The following TNFAIP8 variants were observed in gnomAD, a reference collection of about 807,000 sequenced individuals.
TNFAIP8 encodes the protein TNF alpha induced protein 8, also known as tumor necrosis factor alpha-induced protein 8.
TNFAIP8 carries 7 observed loss-of-function variants against 13.3 expected under a neutral mutation model. The observed-to-expected ratio is 0.52, with a 90% CI of 0.30 to 0.99. TNFAIP8 has a LOEUF of 0.99. Among genes scored for constraint, TNFAIP8 ranks in the 50% least tolerant of loss-of-function variants. The probability of loss-of-function intolerance (pLI) is 0.07; values close to 1 mark genes in which losing one functional copy is unlikely to be tolerated. For missense variants in TNFAIP8, 258 were observed against 236.9 expected (o/e 1.09, Z -0.58); for synonymous variants, 94 against 87.6 (o/e 1.07, Z -0.41).
At chr5:119,293,605 C>A (rs996376360) in intron 1 of TNFAIP8, among the ~76,000 whole-genome samples, 1 of 152,052 alleles carries the variant, frequency 6.6e-6, no homozygotes, top group African/African-American at 2.4e-5. Context: ...AGGAAATGTT[C>A]TAAAAATTGG....
At chr5:119,343,964 C>T (rs539792380) in intron 1 of TNFAIP8, among the ~76,000 whole-genome samples, 1 of 152,158 alleles carries the variant, frequency 6.6e-6, no homozygotes, top group African/African-American at 2.4e-5. Flanking sequence ...CTTTTCAAAC[C>T]ACTCATATCT....
intron 1 of TNFAIP8, among the ~76,000 whole-genome samples, chr5:119,299,609 T>C (rs1749295384): frequency 2.6e-5 from 4 of 152,284 alleles, no homozygotes; most frequent in Admixed American, 2.6e-4. Flanking sequence ...TCTCCAGCTG[T>C]GTGCTGGGAG....
chr5:119,290,956 T>C (rs1424242346), intron 1 of TNFAIP8, among the ~76,000 whole-genome samples: 3 of 152,066 alleles, frequency 2.0e-5, no homozygotes, highest in African/African-American at 7.3e-5. Flanking sequence ...GCTAAGGAGT[T>C]TGGACTTTCT....
chr5:119,330,688 T>A (rs1750349823), intron 1 of TNFAIP8, among the ~76,000 whole-genome samples: 1 of 152,162 alleles, frequency 6.6e-6, no homozygotes, highest in African/African-American at 2.4e-5. Context: ...TCTCTTGCTC[T>A]GAGATGCCGA....
At chr5:119,307,398 G>A (rs1749598356) in intron 1 of TNFAIP8, among the ~76,000 whole-genome samples, 1 of 152,154 alleles carries the variant, frequency 6.6e-6, no homozygotes, top group Non-Finnish European at 1.5e-5. Context: ...GTCAGAAGGT[G>A]TACATACAGT....
intron 1 of TNFAIP8, among the ~76,000 whole-genome samples, chr5:119,386,147 T>C (rs1752661114): frequency 6.6e-6 from 1 of 152,234 alleles, no homozygotes. Context: ...AAAAAAATGT[T>C]TTCGGTGGAA....
At chr5:119,372,723 G>A (rs10074704) in intron 1 of TNFAIP8, among the ~76,000 whole-genome samples, 3,055 of 152,280 alleles carry the variant, frequency 0.02, 84 homozygotes, top group African/African-American at 0.068. Context: ...ACTTTGGGAA[G>A]CCGAGGCAGG....
intron 1 of TNFAIP8, among the ~76,000 whole-genome samples, chr5:119,333,957 T>A (rs1750465328): frequency 6.6e-6 from 1 of 152,206 alleles, no homozygotes; most frequent in Admixed American, 6.5e-5. Context: ...TGGATGGCTT[T>A]TTCACTCAGA....
At chr5:119,287,283 T>TTG (rs1338792322) in intron 1 of TNFAIP8, among the ~76,000 whole-genome samples, 1 of 120,136 alleles carries the variant, frequency 8.3e-6, no homozygotes, top group East Asian at 2.1e-4. Context: ...TAACCAAGTT[T>TTG]TTTTTTTTTT....
At chr5:119,392,080 A>G (rs1414265993) in intron 1 of TNFAIP8, among the ~76,000 whole-genome samples, 1 of 152,234 alleles carries the variant, frequency 6.6e-6, no homozygotes, top group African/African-American at 2.4e-5. Context: ...TGTAAAGTGA[A>G]CAATGGCCAT....
intron 1 of TNFAIP8, among the ~76,000 whole-genome samples, chr5:119,300,979 A>G (rs1749372407): frequency 6.6e-6 from 1 of 152,222 alleles, no homozygotes. Context: ...CACTAAAAGC[A>G]TTACAAGTGG....
Position 119,364,009 on chromosome 5 carries a change from A to C in TNFAIP8, c.31+7888A>C, listed in dbSNP as rs1448616733. On this transcript the variant is annotated intron_variant, in intron 1 of 1. Coordinates refer to ENST00000504771, the MANE Select transcript of TNFAIP8 (RefSeq NM_014350.4). ...CTGGAAGAGATGTGTAGGACAAAATACAGTAGAGGGATGCAAGCTTCCATG... is the reference window on the plus strand; with the variant it reads ...CTGGAAGAGATGTGTAGGACAAAATCCAGTAGAGGGATGCAAGCTTCCATG... 3.3e-5 allele frequency among the ~76,000 whole-genome samples: 5 copies of C among 152,330 alleles called. No individual in the cohort carries two copies. The East Asian group carries it at 5.8e-4, about 18-fold the overall frequency.
At chr5:119,329,280 C>T (rs996780290) in intron 1 of TNFAIP8, among the ~76,000 whole-genome samples, 1 of 152,198 alleles carries the variant, frequency 6.6e-6, no homozygotes, top group African/African-American at 2.4e-5. Context: ...CATTTTTACA[C>T]AATTTATACT....
intron 1 of TNFAIP8, among the ~76,000 whole-genome samples, chr5:119,379,239 G>C (rs1752393536): frequency 6.6e-6 from 1 of 152,114 alleles, no homozygotes; most frequent in Non-Finnish European, 1.5e-5. Context: ...AGGCAGATTA[G>C]AGCATAGGGT....
At chr5:119,302,105 C>G (rs905855953) in intron 1 of TNFAIP8, among the ~76,000 whole-genome samples, 1 of 152,166 alleles carries the variant, frequency 6.6e-6, no homozygotes, top group African/African-American at 2.4e-5. Context: ...ATTCACTCAC[C>G]AGATATTTTG....
At chr5:119,280,481 A>G (rs1443062380) in intron 1 of TNFAIP8, among the ~76,000 whole-genome samples, 1 of 152,206 alleles carries the variant, frequency 6.6e-6, no homozygotes, top group East Asian at 1.9e-4. Context: ...AGAAAGATTC[A>G]CACTCACGGT....
rs1463130401 is a variant in TNFAIP8 at position 119,397,437 on chromosome 5, T to C, written c.*4056T>C. 1.3e-5 allele frequency: 2 copies of C among 152,230 alleles called. No individual in the cohort carries two copies. Among genetic ancestry groups the C allele is most frequent in the Non-Finnish European group, 2.9e-5 (2 of 68,040 alleles). 9.4% of individuals were successfully genotyped at this position (152,230 alleles called of 1,614,324 possible). ...ATAAGAGTGATAATATTTAAAAGTT[T>C]TAGTCAATCTTGCATTTCCATACTT... is the stretch of plus-strand genomic sequence containing the variant. On this transcript the variant is annotated 3_prime_UTR_variant, in exon 2 of 2. Coordinates refer to ENST00000504771, the MANE Select transcript of TNFAIP8 (RefSeq NM_014350.4).
upstream of TNFAIP8, among the ~76,000 whole-genome samples, chr5:119,352,700 G>A (rs756986771): frequency 2.2e-4 from 33 of 152,072 alleles, no homozygotes; most frequent in Middle Eastern, 3.2e-3. Flanking sequence ...TAAAAGTCAG[G>A]CCTTTAAAAA....
upstream of TNFAIP8, chr5:119,355,505 C>T (rs780468226): frequency 1.7e-6 from 1 of 588,614 alleles, no homozygotes; most frequent in East Asian, 2.9e-5. Flanking sequence ...ATGCGACTTT[C>T]CTACAAAAAT....
Sources: gnomAD v4.1 joint callset for allele counts (sites outside exome capture counted in the v4.1 genomes callset) on GRCh38, gnomAD v4.1.1 for gene constraint, MANE v1.5 for transcripts, NCBI Gene and HGNC (gene_info 2026-07-23, HGNC 2026-07-21) for gene names.